SLC9A9: variants seen among roughly 807,000 people sequenced by gnomAD.
The protein encoded by SLC9A9 is sodium/hydrogen exchanger 9.
In SLC9A9, 62 loss-of-function variants were observed where a neutral mutation model predicts 77.8. That is an observed-to-expected ratio of 0.80 (90% CI 0.65 to 0.98). SLC9A9 has a LOEUF of 0.98. Among genes scored for constraint, SLC9A9 ranks in the 50% least tolerant of loss-of-function variants. SLC9A9 has a pLI of 0.00. For synonymous variants in SLC9A9, 320 were observed against 283.5 expected, an observed-to-expected ratio of 1.13 and a Z score of -1.29; for missense variants, 775 against 774.9, an observed-to-expected ratio of 1.00 and a Z score of 0.00.
At chr3:143,588,358 G>A (rs1275008093) in intron 6 of SLC9A9, among the ~76,000 whole-genome samples, 2 of 152,182 alleles carry the variant, frequency 1.3e-5, no homozygotes, top group South Asian at 2.1e-4. Context: ...GTCTGAGCAC[G>A]CAGCCAGTAA....
intron 14 of SLC9A9, among the ~76,000 whole-genome samples, chr3:143,287,812 A>T (rs1291140725): frequency 1.1e-4 from 17 of 152,226 alleles, no homozygotes. Context: ...ACATGAAGTG[A>T]ACTGCAAAGG....
intron 6 of SLC9A9, among the ~76,000 whole-genome samples, chr3:143,615,855 C>T (rs1033693385): frequency 2.6e-5 from 4 of 151,092 alleles, no homozygotes; most frequent in African/African-American, 4.9e-5. Context: ...AAAATTGAGT[C>T]TTCATCTGAA....
chr3:143,457,818 T>C (rs2035120691), intron 12 of SLC9A9, among the ~76,000 whole-genome samples: 1 of 152,198 alleles, frequency 6.6e-6, no homozygotes, highest in Non-Finnish European at 1.5e-5. Flanking sequence ...ACACTGTATG[T>C]TATCATTTCT....
chr3:143,555,524 T>C (rs1237338484), intron 8 of SLC9A9, among the ~76,000 whole-genome samples: 1 of 152,158 alleles, frequency 6.6e-6, no homozygotes, highest in Non-Finnish European at 1.5e-5. Flanking sequence ...AGTAAGACAC[T>C]AAAGTAATTT....
At chr3:143,608,679 T>C (rs548639857) in intron 6 of SLC9A9, among the ~76,000 whole-genome samples, 1 of 152,268 alleles carries the variant, frequency 6.6e-6, no homozygotes, top group South Asian at 2.1e-4. Flanking sequence ...TTATGTAAAA[T>C]TTTAAAAATA....
intron 5 of SLC9A9, among the ~76,000 whole-genome samples, chr3:143,665,210 C>G (rs1297490337): frequency 6.6e-6 from 1 of 152,190 alleles, no homozygotes; most frequent in East Asian, 1.9e-4. Context: ...TACATGGAAA[C>G]TAAACAATCT....
chr3:143,335,180 AAAC>A (rs1460828407), intron 14 of SLC9A9, among the ~76,000 whole-genome samples: 1 of 152,204 alleles, frequency 6.6e-6, no homozygotes, highest in African/African-American at 2.4e-5. Flanking sequence ...GAAATTAAGA[AAAC>A]AATCCCATTT....
intron 12 of SLC9A9, among the ~76,000 whole-genome samples, chr3:143,438,587 C>T (rs1449678309): frequency 6.6e-6 from 1 of 152,170 alleles, no homozygotes; most frequent in Non-Finnish European, 1.5e-5. Context: ...AACACAGATG[C>T]CCTATCCCAT....
intron 12 of SLC9A9, among the ~76,000 whole-genome samples, chr3:143,460,265 G>T (rs1377003574): frequency 6.6e-6 from 1 of 152,102 alleles, no homozygotes; most frequent in Non-Finnish European, 1.5e-5. Context: ...TTACTTTTTA[G>T]AATCCTTGTA....
At chr3:143,621,015 T>C (rs544599453) in intron 6 of SLC9A9, among the ~76,000 whole-genome samples, 1 of 152,250 alleles carries the variant, frequency 6.6e-6, no homozygotes, top group South Asian at 2.1e-4. Context: ...GCCTCGCTCA[T>C]TGCTAGCACA....
At chr3:143,341,621 A>T (rs1237007173) in intron 14 of SLC9A9, among the ~76,000 whole-genome samples, 1 of 152,176 alleles carries the variant, frequency 6.6e-6, no homozygotes, top group African/African-American at 2.4e-5. Flanking sequence ...CCAAATTGCA[A>T]GTTAAACTTC....
chr3:143,594,993 CA>C lies in SLC9A9; in HGVS notation c.756-16271del, dbSNP rs2037729180. Among the ~76,000 whole-genome samples, 4 of 152,260 alleles carry C rather than the reference CA, an allele frequency of 2.6e-5. No individual in the cohort carries two copies. The South Asian group carries it at 8.3e-4, about 32-fold the overall frequency. On this transcript the variant is annotated intron_variant, in intron 6 of 15. Coordinates refer to ENST00000316549, the MANE Select transcript of SLC9A9 (RefSeq NM_173653.4). ...TTTCTATCAGAACAGAATGTATTGC[CA>C]AATGGAGATTCCTTTGGGGACAAAA...
At chr3:143,733,392 T>C (rs1934857608) in intron 4 of SLC9A9, among the ~76,000 whole-genome samples, 1 of 151,986 alleles carries the variant, frequency 6.6e-6, no homozygotes, top group Non-Finnish European at 1.5e-5. Context: ...TTTTACATAT[T>C]GGTGTGTCCC....
At chr3:143,525,756 C>A (rs1348467632) in intron 9 of SLC9A9, among the ~76,000 whole-genome samples, 1 of 152,018 alleles carries the variant, frequency 6.6e-6, no homozygotes, top group Non-Finnish European at 1.5e-5. Context: ...ATGAAATAAT[C>A]AAAATCCACA....
intron 5 of SLC9A9, among the ~76,000 whole-genome samples, chr3:143,652,951 C>T (rs1708141639): frequency 6.6e-6 from 1 of 152,154 alleles, no homozygotes; most frequent in Non-Finnish European, 1.5e-5. Flanking sequence ...ACTGAACTTA[C>T]CACAGAAAGG....
intron 12 of SLC9A9, among the ~76,000 whole-genome samples, chr3:143,423,615 T>TA (rs1400356344): frequency 6.6e-6 from 1 of 152,184 alleles, no homozygotes; most frequent in Non-Finnish European, 1.5e-5. Flanking sequence ...GTCCATTTAA[T>TA]AAAATGGAAA....
intron 9 of SLC9A9, among the ~76,000 whole-genome samples, chr3:143,506,618 T>A (rs1208133213): frequency 6.6e-6 from 1 of 152,124 alleles, no homozygotes; most frequent in Non-Finnish European, 1.5e-5. Flanking sequence ...AAAATAAACA[T>A]TTTGCTGCTG....
At chr3:143,565,689 C>CTAATATTTT (rs2037157008) in intron 8 of SLC9A9, among the ~76,000 whole-genome samples, 1 of 151,248 alleles carries the variant, frequency 6.6e-6, no homozygotes, top group Admixed American at 6.6e-5. Context: ...GCTTGAACGC[C>CTAATATTTT]TAATATTTTG....
intron 5 of SLC9A9, among the ~76,000 whole-genome samples, chr3:143,688,342 C>T (rs569066408): frequency 6.6e-6 from 1 of 152,006 alleles, no homozygotes; most frequent in African/African-American, 2.4e-5. Context: ...CAGCACTTGA[C>T]TACAACTCAG....
Sources: gnomAD v4.1 joint callset for allele counts (sites outside exome capture counted in the v4.1 genomes callset) on GRCh38, gnomAD v4.1.1 for gene constraint, MANE v1.5 for transcripts, NCBI Gene and HGNC (gene_info 2026-07-23, HGNC 2026-07-21) for gene names.